The following SYN3 variants were observed in gnomAD, a reference collection of about 807,000 sequenced individuals.
SYN3 encodes the protein synapsin III.
In SYN3, 35 loss-of-function variants were observed where a neutral mutation model predicts 65.8. That is an observed-to-expected ratio of 0.53 (90% CI 0.41 to 0.70). SYN3 has a LOEUF of 0.70. SYN3 is among the 30% of genes least tolerant of loss of function. The pLI is 0.00. For missense variants in SYN3, 680 were observed against 749.0 expected (o/e 0.91, Z 1.08); for synonymous variants, 270 against 292.9 (o/e 0.92, Z 0.80).
In SYN3 at chr22:32,768,376, C is replaced by T. The variant is rs73395532; in HGVS notation, c.711+96539G>A. Among the ~76,000 whole-genome samples the T allele has an allele frequency of 7.8e-3, 1,191 of 152,264 alleles. 19 individuals are homozygous for T. Among genetic ancestry groups the T allele is most frequent in the African/African-American group, 0.028 (1,147 of 41,544 alleles). On this transcript the variant is annotated intron_variant, in intron 6 of 13. Coordinates refer to ENST00000358763, the MANE Select transcript of SYN3 (RefSeq NM_003490.4). ...TTGATGGATGGCTTTCCTCTTTTTA[C>T]CCCTAAAATTAGGATGTTTCCCAAG...
chr22:32,956,041 C>CATATATATACATATAT (rs2051443717), intron 3 of SYN3, among the ~76,000 whole-genome samples: 1 of 130,678 alleles, frequency 7.7e-6, no homozygotes, highest in Non-Finnish European at 1.6e-5. Flanking sequence ...AATAAATTCA[C>CATATATATACATATAT]ATATATATAT....
chr22:32,703,595 C>T (rs2060839003), intron 6 of SYN3, among the ~76,000 whole-genome samples: 1 of 150,842 alleles, frequency 6.6e-6, no homozygotes, highest in Non-Finnish European at 1.5e-5. Context: ...CAAGATCATG[C>T]TACTGCACTC....
chr22:32,830,480 G>C (rs991314327), intron 6 of SYN3, among the ~76,000 whole-genome samples: 1 of 152,170 alleles, frequency 6.6e-6, no homozygotes, highest in Non-Finnish European at 1.5e-5. Context: ...TCTTTGCCCT[G>C]TGTGCCCCTC....
rs921370755 is a variant in SYN3 at position 32,656,708 on chromosome 22, G to T, written c.712-59972C>A. On this transcript the variant is annotated intron_variant, in intron 6 of 13. Coordinates refer to ENST00000358763, the MANE Select transcript of SYN3 (RefSeq NM_003490.4). ...CAGGACATAGTTTTTTGTTGTTGTTGTTTTGTTTTTTTGTTTGTTTTTTCT... is the reference window on the plus strand; with the variant it reads ...CAGGACATAGTTTTTTGTTGTTGTTTTTTTGTTTTTTTGTTTGTTTTTTCT... Among the ~76,000 whole-genome samples the T allele has an allele frequency of 3.9e-4, 60 of 152,208 alleles. No homozygotes were observed. In the South Asian group the frequency reaches 0.012, roughly 30 times the overall value.
chr22:32,864,970 C>G lies in SYN3; in HGVS notation c.656G>C (p.Gly219Ala), dbSNP rs1369701076. The G allele has an allele frequency of 6.2e-7, 1 of 1,614,062 alleles. No individual in the cohort carries two copies. Residue 219 changes from glycine to alanine, a missense_variant, in exon 6 of 14, where the codon GGT becomes GCT. Coordinates refer to ENST00000358763, the MANE Select transcript of SYN3 (RefSeq NM_003490.4). ...CTCCACAAGCGGGAACTTCTCAGGA[C>G]CCAGGGAATGGAAGATCTTAATGAG... ...SQLIKIFHSL[G>A]PEKFPLVEQT...
At chr22:32,792,751 G>A (rs1167088910) in intron 6 of SYN3, among the ~76,000 whole-genome samples, 2 of 152,138 alleles carry the variant, frequency 1.3e-5, no homozygotes, top group African/African-American at 4.8e-5. Context: ...TAGGTACTAT[G>A]CTTTTCTCTG....
At chr22:32,880,388 G>A (rs1273730628) in intron 4 of SYN3, among the ~76,000 whole-genome samples, 2 of 152,180 alleles carry the variant, frequency 1.3e-5, no homozygotes, top group Admixed American at 6.5e-5. Flanking sequence ...AAGCCAAGGA[G>A]GGATATTGTC....
chr22:32,994,871 AG>A (rs2145737599), intron 2 of SYN3, among the ~76,000 whole-genome samples: 1 of 152,316 alleles, frequency 6.6e-6, no homozygotes, highest in East Asian at 1.9e-4. Flanking sequence ...TGTTAATAAC[AG>A]TTACCATTTC....
At chr22:32,698,655 G>A (rs1480611431) in intron 6 of SYN3, among the ~76,000 whole-genome samples, 1 of 152,152 alleles carries the variant, frequency 6.6e-6, no homozygotes, top group Non-Finnish European at 1.5e-5. Context: ...TGGATTATTA[G>A]TTCTGTTATC....
intron 6 of SYN3, among the ~76,000 whole-genome samples, chr22:32,603,722 C>T (rs201872036): frequency 1.3e-5 from 2 of 152,014 alleles, no homozygotes; most frequent in Non-Finnish European, 2.9e-5. Flanking sequence ...TCACAGAGGA[C>T]AAAAAACATC....
chr22:32,899,213 C>T (rs1022509771), intron 4 of SYN3, among the ~76,000 whole-genome samples: 3 of 152,150 alleles, frequency 2.0e-5, no homozygotes, highest in East Asian at 3.8e-4. Context: ...TGAATCCTAG[C>T]GGGTGGTTCA....
At chr22:32,681,890 T>C (rs1338587804) in intron 6 of SYN3, among the ~76,000 whole-genome samples, 1 of 152,132 alleles carries the variant, frequency 6.6e-6, no homozygotes, top group Non-Finnish European at 1.5e-5. Flanking sequence ...GCAAGTGGGA[T>C]AGAGAGTCCT....
intron 6 of SYN3, among the ~76,000 whole-genome samples, chr22:32,615,043 G>A (rs1569092927): frequency 6.6e-6 from 1 of 152,090 alleles, no homozygotes; most frequent in African/African-American, 2.4e-5. Context: ...GTGGTTGGGA[G>A]CCGACAGTGG....
At chr22:32,550,706 A>T (rs1012952544) in intron 7 of SYN3, among the ~76,000 whole-genome samples, 3 of 151,840 alleles carry the variant, frequency 2.0e-5, no homozygotes, top group African/African-American at 7.3e-5. Flanking sequence ...ATGGCAAAAA[A>T]AAAAATAAGA....
chr22:32,768,265 T>C (rs2145757442), intron 6 of SYN3, among the ~76,000 whole-genome samples: 1 of 152,318 alleles, frequency 6.6e-6, no homozygotes, highest in African/African-American at 2.4e-5. Context: ...TGAATAACTT[T>C]ATACTCCTTT....
At chr22:33,050,871 C>T (rs1327888731) in intron 1 of SYN3, among the ~76,000 whole-genome samples, 2 of 152,210 alleles carry the variant, frequency 1.3e-5, no homozygotes, top group African/African-American at 2.4e-5. Context: ...ATTTTACCCA[C>T]TACCAGCGCA....
intron 2 of SYN3, among the ~76,000 whole-genome samples, chr22:32,991,846 T>A (rs963828242): frequency 3.3e-5 from 5 of 152,200 alleles, no homozygotes; most frequent in African/African-American, 1.2e-4. Context: ...CCATCCCTTC[T>A]CCTGCCACCA....
intron 6 of SYN3, among the ~76,000 whole-genome samples, chr22:32,754,795 C>T (rs1310551788): frequency 3.9e-5 from 6 of 152,222 alleles, no homozygotes; most frequent in South Asian, 4.1e-4. Flanking sequence ...AAACCCTTGT[C>T]CAAAGTCTCC....
At chr22:32,677,526 C>T (rs901230851) in intron 6 of SYN3, among the ~76,000 whole-genome samples, 18 of 152,080 alleles carry the variant, frequency 1.2e-4, no homozygotes, top group Non-Finnish European at 1.8e-4. Context: ...TGACTGGGCG[C>T]GGTGGCTCAT....
Sources: gnomAD v4.1 joint callset for allele counts (sites outside exome capture counted in the v4.1 genomes callset) on GRCh38, gnomAD v4.1.1 for gene constraint, MANE v1.5 for transcripts, NCBI Gene and HGNC (gene_info 2026-07-23, HGNC 2026-07-21) for gene names.